Variants in KLF12 observed in about 807,000 individuals in gnomAD.
KLF12 encodes the protein Krueppel-like factor 12.
In KLF12, 9 loss-of-function variants were observed where a neutral mutation model predicts 37.8. That is an observed-to-expected ratio of 0.24 (90% CI 0.14 to 0.42). KLF12 has a LOEUF of 0.42. Ranked by LOEUF, KLF12 falls within the 10% of genes least tolerant of loss-of-function variation. The pLI is 1.00. For synonymous variants in KLF12, 208 were observed against 202.1 expected (o/e 1.03, Z -0.25); for missense variants, 411 against 516.0 (o/e 0.80, Z 1.97).
At chr13:73,879,318 T>C (rs1886868258) in intron 3 of KLF12, among the ~76,000 whole-genome samples, 1 of 152,206 alleles carries the variant, frequency 6.6e-6, no homozygotes, top group Non-Finnish European at 1.5e-5. Context: ...AATGTCACTG[T>C]TTGGTGAAGC....
Position 74,072,058 on chromosome 13 carries a change from T to A in KLF12, c.-32+61681A>T, listed in dbSNP as rs190951505. Among the ~76,000 whole-genome samples, 606 of 152,156 alleles carry A rather than the reference T, an allele frequency of 4.0e-3. 7 individuals are homozygous for A. Among genetic ancestry groups the A allele is most frequent in the African/African-American group, 0.014 (565 of 41,524 alleles). ...CTGGGGTAGTATCCAAACCTCCTTA[T>A]GAACCTCCAAGTTCTCTCTACAAAA... On this transcript the variant is annotated intron_variant, in intron 1 of 7. Coordinates refer to ENST00000377669, the MANE Select transcript of KLF12 (RefSeq NM_007249.5).
the KLF12 span, among the ~76,000 whole-genome samples, chr13:74,281,292 T>C: frequency 6.6e-6 from 1 of 152,176 alleles, no homozygotes; most frequent in African/African-American, 2.4e-5. Context: ...GATGATGAAG[T>C]AGTTTTGCAC....
At chr13:73,899,405 C>A (rs913459579) in intron 3 of KLF12, among the ~76,000 whole-genome samples, 10 of 152,142 alleles carry the variant, frequency 6.6e-5, no homozygotes, top group African/African-American at 1.9e-4. Flanking sequence ...AAAAAGCACA[C>A]CCCAAGATGA....
intron 4 of KLF12, among the ~76,000 whole-genome samples, chr13:73,836,224 T>C (rs1237003169): frequency 6.6e-6 from 1 of 152,110 alleles, no homozygotes; most frequent in Non-Finnish European, 1.5e-5. Flanking sequence ...AGTTGTTTTC[T>C]AAAGAATACA....
intron 1 of KLF12, among the ~76,000 whole-genome samples, chr13:74,047,361 G>T (rs1159838435): frequency 6.6e-6 from 1 of 151,966 alleles, no homozygotes; most frequent in Non-Finnish European, 1.5e-5. Flanking sequence ...GGAGGCCGAG[G>T]CAGGCAGATC....
the KLF12 span, among the ~76,000 whole-genome samples, chr13:74,202,437 G>C: frequency 6.6e-6 from 1 of 152,108 alleles, no homozygotes; most frequent in African/African-American, 2.4e-5. Flanking sequence ...TAGGACTGCA[G>C]AGCTGCTCTT....
chr13:73,985,453 G>A (rs889521513), intron 2 of KLF12, among the ~76,000 whole-genome samples: 16 of 152,178 alleles, frequency 1.1e-4, no homozygotes, highest in Admixed American at 3.3e-4. Flanking sequence ...GATTACTCAC[G>A]GCAGAAGGGT....
chr13:74,253,151 A>G, the KLF12 span, among the ~76,000 whole-genome samples: 1 of 152,184 alleles, frequency 6.6e-6, no homozygotes, highest in Admixed American at 6.5e-5. Flanking sequence ...ATGCTTTTAG[A>G]GTTTAATAAG....
Position 73,859,992 on chromosome 13 carries a change from G to C in KLF12, c.124-13619C>G, listed in dbSNP as rs117649513. On this transcript the variant is annotated intron_variant, in intron 3 of 7. Coordinates refer to ENST00000377669, the MANE Select transcript of KLF12 (RefSeq NM_007249.5). The stretch of plus-strand genomic sequence containing the variant: ...TTTTGACCAATGATGAGTGCTCTTT[G>C]ATAAAACCAATGTAATAAAGCGGAA... Among the ~76,000 whole-genome samples, 233 of 152,192 alleles carry C rather than the reference G, an allele frequency of 1.5e-3. 2 individuals are homozygous for C. The highest frequency in any genetic ancestry group is 2.8e-3 in the Non-Finnish European group (189 of 68,006).
chr13:74,020,092 CTTTACAT>C, intron 1 of KLF12, among the ~76,000 whole-genome samples: 2 of 152,190 alleles, frequency 1.3e-5, no homozygotes, highest in Non-Finnish European at 2.9e-5. Context: ...ATAAAAAAGA[CTTTACAT>C]GTCTCATATT....
At chr13:74,183,808 A>T in the KLF12 span, among the ~76,000 whole-genome samples, 1 of 152,092 alleles carries the variant, frequency 6.6e-6, no homozygotes, top group South Asian at 2.1e-4. Context: ...ATGGTGGCAC[A>T]TGCCTGTAAT....
intron 2 of KLF12, among the ~76,000 whole-genome samples, chr13:73,944,387 T>G (rs549525831): frequency 6.6e-6 from 1 of 152,204 alleles, no homozygotes; most frequent in East Asian, 1.9e-4. Flanking sequence ...ACTTTCACAA[T>G]AGTGGAAGGA....
intron 1 of KLF12, among the ~76,000 whole-genome samples, chr13:73,997,964 C>A (rs1423152278): frequency 1.3e-5 from 2 of 152,150 alleles, no homozygotes; most frequent in African/African-American, 4.8e-5. Flanking sequence ...AGAGGAGAGA[C>A]TGGAGAAATT....
the KLF12 span, among the ~76,000 whole-genome samples, chr13:74,249,972 A>C: frequency 6.6e-6 from 1 of 152,184 alleles, no homozygotes; most frequent in Non-Finnish European, 1.5e-5. Flanking sequence ...CAAACTTTGT[A>C]ACCAAAATAG....
chr13:74,092,368 G>GA (rs1181610360), intron 1 of KLF12, among the ~76,000 whole-genome samples: 2 of 149,958 alleles, frequency 1.3e-5, no homozygotes, highest in Non-Finnish European at 3.0e-5. Flanking sequence ...TCAAGAAAAT[G>GA]AAAGTCACAT....
chr13:74,099,296 A>T (rs12323302), intron 1 of KLF12, among the ~76,000 whole-genome samples: 61 of 152,062 alleles, frequency 4.0e-4, no homozygotes, highest in Admixed American at 2.8e-3. Flanking sequence ...CAGTGAGCTA[A>T]GATCAAGGCC....
intron 3 of KLF12, among the ~76,000 whole-genome samples, chr13:73,850,419 A>G (rs770335548): frequency 2.6e-5 from 4 of 152,334 alleles, no homozygotes; most frequent in Non-Finnish European, 4.4e-5. Context: ...GTTAGTTCCC[A>G]GAGTACTAGA....
intron 3 of KLF12, among the ~76,000 whole-genome samples, chr13:73,848,231 A>G (rs1040241030): frequency 3.9e-5 from 6 of 152,164 alleles, no homozygotes; most frequent in Non-Finnish European, 5.9e-5. Flanking sequence ...TTACAAATCA[A>G]GGAGTAAAGA....
At position 73,691,826 on chromosome 13, in the gene KLF12, G is replaced by A. The variant is rs547340776; in HGVS notation, c.*3664C>T. The A allele has an allele frequency of 2.0e-5, 3 of 152,690 alleles. No individual in the cohort carries two copies. The South Asian group carries it at 6.2e-4, about 32-fold the overall frequency. 9.5% of individuals were successfully genotyped at this position (152,690 alleles called of 1,614,324 possible). A position where few individuals can be genotyped will look rare whatever the true frequency, so the allele number is the denominator to read the frequency against. ...CAGAATTATGTTTAAAACACAGATG[G>A]CAATTTAAAGTTAAAAAGAATTGTA... On this transcript the variant is annotated 3_prime_UTR_variant, in exon 8 of 8. Transcript: ENST00000377669.
Sources: allele counts gnomAD v4.1 joint callset (sites outside exome capture counted in the v4.1 genomes callset), GRCh38; gene constraint gnomAD v4.1.1; transcripts MANE v1.5; gene names NCBI Gene and HGNC (gene_info 2026-07-23, HGNC 2026-07-21).